Variants in CTNNA3 observed in about 807,000 individuals in gnomAD.
The protein encoded by CTNNA3 is catenin alpha 3, also known as catenin alpha-3.
CTNNA3 carries 76 observed loss-of-function variants against 95.7 expected under a neutral mutation model. The observed-to-expected ratio is 0.79, with a 90% CI of 0.66 to 0.96. The LOEUF is 0.96. Among genes scored for constraint, CTNNA3 ranks in the 40% least tolerant of loss-of-function variants. The pLI is 0.00. For synonymous variants in CTNNA3, 431 were observed against 374.4 expected (o/e 1.15, Z -1.74); for missense variants, 1,191 against 1,089.8 (o/e 1.09, Z -1.31).
At chr10:66,264,234 C>T (rs1366338313) in intron 13 of CTNNA3, among the ~76,000 whole-genome samples, 1 of 151,836 alleles carries the variant, frequency 6.6e-6, no homozygotes, top group African/African-American at 2.4e-5. Flanking sequence ...CCAAGTCTTC[C>T]TTAAATCCAT....
Position 66,766,436 on chromosome 10 carries a change from T to G in CTNNA3, c.1129-20A>C. 6.3e-7 allele frequency: 1 copy of G among 1,583,554 alleles called. No individual in the cohort carries two copies. The highest frequency in any genetic ancestry group is 8.6e-7 in the Non-Finnish European group (1 of 1,163,708). On this transcript the variant is annotated intron_variant, in intron 8 of 17. Coordinates refer to ENST00000433211, the MANE Select transcript of CTNNA3 (RefSeq NM_013266.4). Reference sequence around the variant, plus strand: ...GCGGAGCTGAGAAGAAATGAAAAATTCAGGTTTTTTTTTTCCAGGAAATAG... The same window carrying G: ...GCGGAGCTGAGAAGAAATGAAAAATGCAGGTTTTTTTTTTCCAGGAAATAG...
At chr10:66,815,267 T>C (rs1406396576) in intron 7 of CTNNA3, among the ~76,000 whole-genome samples, 1 of 152,130 alleles carries the variant, frequency 6.6e-6, no homozygotes, top group Non-Finnish European at 1.5e-5. Context: ...AACGGTTGAA[T>C]TTCAGTAAGA....
chr10:67,608,592 A>G (rs987388108), intron 2 of CTNNA3, among the ~76,000 whole-genome samples: 1 of 152,204 alleles, frequency 6.6e-6, no homozygotes, highest in Non-Finnish European at 1.5e-5. Flanking sequence ...CAATGTATAC[A>G]TATATCAAAA....
chr10:66,291,036 C>T (rs2091672585), intron 12 of CTNNA3, among the ~76,000 whole-genome samples: 4 of 152,050 alleles, frequency 2.6e-5, no homozygotes. Flanking sequence ...ATCATAATAT[C>T]TGATCGTTTG....
At chr10:66,713,076 C>T (rs1848345591) in intron 9 of CTNNA3, among the ~76,000 whole-genome samples, 1 of 152,084 alleles carries the variant, frequency 6.6e-6, no homozygotes, top group Non-Finnish European at 1.5e-5. Context: ...CTCTGAAACC[C>T]TCAAGGTAAC....
At chr10:66,507,798 G>A (rs985820543) in intron 11 of CTNNA3, among the ~76,000 whole-genome samples, 2 of 152,056 alleles carry the variant, frequency 1.3e-5, no homozygotes, top group Non-Finnish European at 2.9e-5. Context: ...TGAGAATAGT[G>A]CTGTAATAAA....
chr10:67,455,120 T>C (rs949456266), intron 5 of CTNNA3, among the ~76,000 whole-genome samples: 1 of 152,200 alleles, frequency 6.6e-6, no homozygotes, highest in Non-Finnish European at 1.5e-5. Flanking sequence ...GATTCGATTG[T>C]ACTTTCTATT....
intron 9 of CTNNA3, among the ~76,000 whole-genome samples, chr10:66,724,738 G>A (rs372850756): frequency 1.5e-4 from 23 of 152,042 alleles, no homozygotes; most frequent in Admixed American, 2.6e-4. Context: ...TGTGAAAATC[G>A]CTATCACCTT....
Position 67,478,845 on chromosome 10 carries a change from T to TAA in CTNNA3, c.579+42995_579+42996dup, listed in dbSNP as rs143794060. Among the ~76,000 whole-genome samples the TAA allele has an allele frequency of 7.9e-5, 11 of 139,660 alleles. No homozygotes were observed. The East Asian group carries it at 8.3e-4, about 10-fold the overall frequency. The allele number at this position is 139,660 out of a possible 152,430, so 91.6% of individuals were successfully genotyped here. ...AAAGGCACAAATTGGCAAGTTGAAT[T>TAA]AAAAAAAAAAAAACAAGACCTATCG... On this transcript the variant is annotated intron_variant, in intron 5 of 17. Transcript: ENST00000433211.
chr10:67,299,770 G>C (rs771444673), intron 5 of CTNNA3, among the ~76,000 whole-genome samples: 1 of 152,158 alleles, frequency 6.6e-6, no homozygotes, highest in Non-Finnish European at 1.5e-5. Flanking sequence ...TTGCTACATT[G>C]CAAGGCCCTT....
intron 2 of CTNNA3, among the ~76,000 whole-genome samples, chr10:67,625,826 T>C (rs1043253922): frequency 1.1e-4 from 17 of 152,282 alleles, no homozygotes; most frequent in Middle Eastern, 3.4e-3. Context: ...TGATTTCTAG[T>C]CAGGGAACCA....
At chr10:66,507,934 T>C (rs1840509252) in intron 11 of CTNNA3, among the ~76,000 whole-genome samples, 1 of 147,272 alleles carries the variant, frequency 6.8e-6, no homozygotes, top group South Asian at 2.1e-4. Flanking sequence ...AATAGTATTT[T>C]CCATAATAAA....
At chr10:66,676,687 A>G (rs918430462) in intron 9 of CTNNA3, among the ~76,000 whole-genome samples, 12 of 152,264 alleles carry the variant, frequency 7.9e-5, no homozygotes, top group Admixed American at 1.3e-4. Context: ...CATATTTTCC[A>G]TGTACTACCA....
rs1179234498 is a variant in CTNNA3 at position 66,902,821 on chromosome 10, A to G, written c.1048-127297T>C. ...TGGACACATACACCCTCCCAAGACTAAACTAGGAAGAAGTTAAATCTCTGA... is the reference window on the plus strand; with the variant it reads ...TGGACACATACACCCTCCCAAGACTGAACTAGGAAGAAGTTAAATCTCTGA... On this transcript the variant is annotated intron_variant, in intron 7 of 17. Coordinates refer to ENST00000433211, the MANE Select transcript of CTNNA3 (RefSeq NM_013266.4). 3.3e-5 allele frequency among the ~76,000 whole-genome samples: 5 copies of G among 152,314 alleles called. No individual in the cohort carries two copies. In the East Asian group the frequency reaches 9.6e-4, roughly 29 times the overall value.
chr10:67,560,631 A>G (rs919122381), intron 3 of CTNNA3, among the ~76,000 whole-genome samples: 2 of 152,208 alleles, frequency 1.3e-5, no homozygotes, highest in African/African-American at 2.4e-5. Flanking sequence ...AAATTCACAC[A>G]TAACAATATT....
intron 5 of CTNNA3, among the ~76,000 whole-genome samples, chr10:67,370,156 G>A (rs1379244694): frequency 6.6e-6 from 1 of 152,014 alleles, no homozygotes; most frequent in Non-Finnish European, 1.5e-5. Flanking sequence ...ACAAATTTTG[G>A]TATGTCTATA....
At chr10:66,012,787 T>C (rs878913822) in intron 15 of CTNNA3, among the ~76,000 whole-genome samples, 1 of 152,210 alleles carries the variant, frequency 6.6e-6, no homozygotes, top group Admixed American at 6.5e-5. Context: ...CTCCATGGGA[T>C]AGTTTTCTTT....
At chr10:66,612,348 G>A in intron 10 of CTNNA3, among the ~76,000 whole-genome samples, 1 of 152,100 alleles carries the variant, frequency 6.6e-6, no homozygotes, top group Non-Finnish European at 1.5e-5. Flanking sequence ...GCACAGCTGT[G>A]ATGATGTCAC....
chr10:66,729,921 G>A (rs560045799), intron 9 of CTNNA3, among the ~76,000 whole-genome samples: 34 of 151,846 alleles, frequency 2.2e-4, no homozygotes, highest in Admixed American at 5.9e-4. Flanking sequence ...TGGCTAATGC[G>A]GTGAAACCCT....
Sources: allele counts gnomAD v4.1 joint callset (sites outside exome capture counted in the v4.1 genomes callset), GRCh38; gene constraint gnomAD v4.1.1; transcripts MANE v1.5; gene names NCBI Gene and HGNC (gene_info 2026-07-23, HGNC 2026-07-21).